Variants in PTPRG observed in about 807,000 individuals in gnomAD.
The protein encoded by PTPRG is protein tyrosine phosphatase receptor type G, also known as receptor-type tyrosine-protein phosphatase gamma.
A neutral mutation model predicts 165.3 loss-of-function variants in PTPRG; 102 were observed. The observed-to-expected ratio is 0.62, with a 90% confidence interval of 0.53 to 0.73. The LOEUF is 0.73. Ranked by LOEUF, PTPRG falls within the 30% of genes least tolerant of loss-of-function variation. The probability of loss-of-function intolerance (pLI) is 0.00; values close to 1 mark genes in which losing one functional copy is unlikely to be tolerated. For missense variants in PTPRG, 1,866 were observed against 1,861.4 expected (o/e 1.00, Z -0.05); for synonymous variants, 675 against 669.5 (o/e 1.01, Z -0.13).
Position 62,195,069 on chromosome 3 carries a change from C to A in PTPRG, c.1226C>A (p.Thr409Asn). The A allele has an allele frequency of 6.2e-7, 1 of 1,614,124 alleles. No homozygotes were observed. Among genetic ancestry groups the A allele is most frequent in the Non-Finnish European group, 8.5e-7 (1 of 1,179,968 alleles). The change falls in exon 10 of 30, where the codon ACC (threonine) becomes AAC (asparagine). Residue 409 changes from threonine (T) to asparagine (N), a missense_variant. Physicochemically the swap from Thr to Asn is moderately conservative, Grantham distance 65 (BLOSUM62 0). Coordinates refer to ENST00000474889, the MANE Select transcript of PTPRG (RefSeq NM_002841.4). This position sits in a 1 kb window ranked among gnomAD's most constrained non-coding sequence, Gnocchi z 4.4. ...TKDSDKDLKA[T>N]ISHVSPDSLY... ...TTCCTTCTTTACTTACAGAAAGCCA[C>A]CATTAGCCATGTCTCACCCGATAGC... is the stretch of plus-strand genomic sequence containing the variant.
chr3:61,592,649 C>CTTTTTTTTTTTT (rs373986933), intron 1 of PTPRG, among the ~76,000 whole-genome samples: 1 of 132,870 alleles, frequency 7.5e-6, no homozygotes, highest in Non-Finnish European at 1.6e-5. Flanking sequence ...TTCTTTCTTT[C>CTTTTTTTTTTTT]TTTTTTTTTT....
intron 2 of PTPRG, among the ~76,000 whole-genome samples, chr3:61,798,042 G>T (rs1042853080): frequency 1.3e-5 from 2 of 152,170 alleles, no homozygotes; most frequent in Non-Finnish European, 2.9e-5. Flanking sequence ...TAGTAATACT[G>T]TTGAGACAGT....
intron 2 of PTPRG, among the ~76,000 whole-genome samples, chr3:61,870,071 C>CCAT (rs758549102): frequency 1.3e-5 from 2 of 151,582 alleles, no homozygotes; most frequent in Non-Finnish European, 2.9e-5. Flanking sequence ...CCTCCCAGTA[C>CCAT]CATCACCTTG....
At chr3:61,697,344 A>C (rs992800067) in intron 1 of PTPRG, among the ~76,000 whole-genome samples, 5 of 152,190 alleles carry the variant, frequency 3.3e-5, no homozygotes, top group African/African-American at 1.2e-4. Context: ...ACTGCCCCAG[A>C]AGCAAGGATT....
chr3:61,742,875 C>G, intron 1 of PTPRG: 1 of 1,547,204 alleles, frequency 6.5e-7, no homozygotes, highest in Non-Finnish European at 8.9e-7. Flanking sequence ...TATCCACGGC[C>G]TTAGCCTCGT....
At chr3:61,962,515 C>T (rs1024348548) in intron 2 of PTPRG, among the ~76,000 whole-genome samples, 2 of 151,954 alleles carry the variant, frequency 1.3e-5, no homozygotes, top group African/African-American at 4.8e-5. Context: ...AAAACTGTTC[C>T]TTTGAGTTCC....
At chr3:62,182,714 C>A (rs1237185325) in intron 8 of PTPRG, among the ~76,000 whole-genome samples, 1 of 152,210 alleles carries the variant, frequency 6.6e-6, no homozygotes, top group African/African-American at 2.4e-5. Flanking sequence ...GGCTGGAGTG[C>A]AGTGGTGCGA....
intron 1 of PTPRG, among the ~76,000 whole-genome samples, chr3:61,608,456 C>T (rs1575534616): frequency 2.0e-5 from 3 of 152,156 alleles, no homozygotes; most frequent in Non-Finnish European, 4.4e-5. Context: ...TGCATCTTTC[C>T]TTGAAGCCTG....
intron 2 of PTPRG, among the ~76,000 whole-genome samples, chr3:61,902,535 C>G (rs1351478821): frequency 2.6e-5 from 4 of 152,106 alleles, no homozygotes; most frequent in Non-Finnish European, 5.9e-5. Flanking sequence ...TTAAACTGTG[C>G]TATATTGCTA....
At chr3:61,753,589 T>TTTTTC in intron 2 of PTPRG, 1 of 430,862 alleles carries the variant, frequency 2.3e-6, no homozygotes. Flanking sequence ...TTGAGGGTTT[T>TTTTTC]TTTTTTTTTT....
chr3:61,735,612 G>A (rs913374367), intron 1 of PTPRG, among the ~76,000 whole-genome samples: 1 of 151,706 alleles, frequency 6.6e-6, no homozygotes, highest in Non-Finnish European at 1.5e-5. Flanking sequence ...GCCTGTGTTT[G>A]AGGGGGAAGA....
At chr3:61,804,220 C>T (rs1009212973) in intron 2 of PTPRG, among the ~76,000 whole-genome samples, 5 of 152,178 alleles carry the variant, frequency 3.3e-5, no homozygotes, top group African/African-American at 7.2e-5. Flanking sequence ...CAGTATTAAT[C>T]TCAGGTCTCC....
intron 2 of PTPRG, among the ~76,000 whole-genome samples, chr3:61,924,238 A>G (rs2039151377): frequency 6.6e-6 from 1 of 152,168 alleles, no homozygotes; most frequent in Non-Finnish European, 1.5e-5. Context: ...TGGTCCTGTG[A>G]CCATGCAGAT....
chr3:61,913,825 G>T (rs17065607), intron 2 of PTPRG, among the ~76,000 whole-genome samples: 9,720 of 152,176 alleles, frequency 0.064, 436 homozygotes, highest in East Asian at 0.23. Flanking sequence ...TAATCTCTAA[G>T]GGAAATCTCC....
At position 62,273,955 on chromosome 3, in the gene PTPRG, A is replaced by C. The variant is rs1419741561; in HGVS notation, c.3465+111A>C. 1 of 1,074,986 alleles carries C rather than the reference A, an allele frequency of 9.3e-7. No homozygotes were observed. The allele number at this position is 1,074,986 out of a possible 1,614,324, so 66.6% of individuals were successfully genotyped here. A position where few individuals can be genotyped will look rare whatever the true frequency, so the allele number is the denominator to read the frequency against. ...AATGTATACACCGAAATGGATTACT[A>C]TTTGTACTCCTTGTACTCCTTAAAT... On this transcript the variant is annotated intron_variant, in intron 23 of 29. Coordinates refer to ENST00000474889, the MANE Select transcript of PTPRG (RefSeq NM_002841.4). This position sits in a 1 kb window ranked among gnomAD's most constrained non-coding sequence, Gnocchi z 4.1.
chr3:62,058,114 A>G (rs549729719), intron 4 of PTPRG, among the ~76,000 whole-genome samples: 1 of 152,302 alleles, frequency 6.6e-6, no homozygotes, highest in East Asian at 1.9e-4. Flanking sequence ...TTCCCCTAGC[A>G]TGCAATTCCC....
chr3:61,833,067 TTGTGTGTGTGTGTGTG>T (rs113069211), intron 2 of PTPRG, among the ~76,000 whole-genome samples: 3 of 146,896 alleles, frequency 2.0e-5, no homozygotes, highest in Admixed American at 2.0e-4. Flanking sequence ...TAGTATTCCA[TTGTGTGTGTGTGTGTG>T]TGTGTGTGTG....
Position 62,047,259 on chromosome 3 carries a change from T to TTATTTATTTATG in PTPRG, c.520-30893_520-30892insGTATTTATTTAT, listed in dbSNP as rs1207899700. Among the ~76,000 whole-genome samples, 165 of 132,026 alleles carry TTATTTATTTATG rather than the reference T, an allele frequency of 1.2e-3. 1 individual carries two copies. The highest frequency in any genetic ancestry group is 4.4e-3 in the African/African-American group (155 of 35,290). The allele number at this position is 132,026 out of a possible 152,430, so 86.6% of individuals were successfully genotyped here. A position where few individuals can be genotyped will look rare whatever the true frequency, so the allele number is the denominator to read the frequency against. ...GCTGAGCTTCCTATTATTTATTTAT[T>TTATTTATTTATG]TATTTATTTATTTTTATTGAGATGG... On this transcript the variant is annotated intron_variant, in intron 4 of 29. Transcript: ENST00000474889.
intron 6 of PTPRG, among the ~76,000 whole-genome samples, chr3:62,144,368 A>G (rs991346926): frequency 1.3e-5 from 2 of 152,258 alleles, no homozygotes; most frequent in Non-Finnish European, 2.9e-5. Flanking sequence ...TGCCAAGATC[A>G]TCACATGTTT....
Sources: gnomAD v4.1 joint callset for allele counts (sites outside exome capture counted in the v4.1 genomes callset) on GRCh38, gnomAD v4.1.1 for gene constraint, Gnocchi (gnomAD v3.1) non-coding constraint, MANE v1.5 for transcripts, NCBI Gene and HGNC (gene_info 2026-07-23, HGNC 2026-07-21) for gene names.